The following UTS2B variants were observed in gnomAD, a reference collection of about 807,000 sequenced individuals.
UTS2B encodes urotensin-2B.
Under a neutral mutation model 19.2 loss-of-function variants are expected in UTS2B, and 21 were observed. That is an observed-to-expected ratio of 1.09 (90% confidence interval 0.78 to 1.58). The LOEUF is 1.58. Ranked by LOEUF, UTS2B falls within the 40% of genes most tolerant of loss-of-function variation. The pLI, the probability that UTS2B is intolerant of heterozygous loss-of-function variation, is 0.00. For synonymous variants in UTS2B, 57 were observed against 50.2 expected, an observed-to-expected ratio of 1.14 and a Z score of -0.58; for missense variants, 138 against 130.3, an observed-to-expected ratio of 1.06 and a Z score of -0.29.
At chr3:191,298,910 T>C (rs1419005619) in intron 4 of UTS2B, among the ~76,000 whole-genome samples, 1 of 152,232 alleles carries the variant, frequency 6.6e-6, no homozygotes, top group Non-Finnish European at 1.5e-5. Flanking sequence ...AAGGTCACTT[T>C]TGTTATTTGT....
intron 1 of UTS2B, among the ~76,000 whole-genome samples, chr3:191,329,944 G>T (rs113576372): frequency 0.18 from 5,348 of 29,000 alleles, 236 homozygotes; most frequent in East Asian, 0.51. Flanking sequence ...GGGGTGGTTG[G>T]GGGGGGGGGG....
chr3:191,311,601 G>T (rs1717303459), intron 3 of UTS2B, among the ~76,000 whole-genome samples: 1 of 152,142 alleles, frequency 6.6e-6, no homozygotes. Context: ...CCATTCCAGA[G>T]GCCCACTTTC....
At chr3:191,343,789 TA>T in the UTS2B span, among the ~76,000 whole-genome samples, 1 of 152,224 alleles carries the variant, frequency 6.6e-6, no homozygotes. Context: ...AAGTGCTTGG[TA>T]AAGTATTAGA....
rs976733608 is a variant in UTS2B at position 191,306,436 on chromosome 3, GTTTATA to G, written c.-181-1894_-181-1889del. 1.1e-4 allele frequency among the ~76,000 whole-genome samples: 16 copies of G among 152,082 alleles called. No individual in the cohort carries two copies. In the South Asian group the frequency reaches 3.1e-3, roughly 30 times the overall value. On this transcript the variant is annotated intron_variant, in intron 3 of 8. Transcript: ENST00000340524. ...CAAATAATCCATCATCTATTTTATA[GTTTATA>G]TTTATCATTTTAATCCCTCCTTCCC...
At chr3:191,298,467 C>T (rs1022526275) in intron 4 of UTS2B, among the ~76,000 whole-genome samples, 1 of 152,118 alleles carries the variant, frequency 6.6e-6, no homozygotes, top group Non-Finnish European at 1.5e-5. Flanking sequence ...CTGCTCTGGC[C>T]ATGTAAGATG....
intron 2 of UTS2B, among the ~76,000 whole-genome samples, chr3:191,323,564 G>A (rs182666243): frequency 1.3e-4 from 20 of 152,296 alleles, no homozygotes; most frequent in Non-Finnish European, 2.1e-4. Context: ...CTATCAGTGT[G>A]TTTTGGAATA....
Position 191,301,731 on chromosome 3 carries a change from C to T in UTS2B, c.-125+2761G>A, listed in dbSNP as rs530602343. 1.6e-4 allele frequency among the ~76,000 whole-genome samples: 25 copies of T among 152,070 alleles called. No individual in the cohort carries two copies. The East Asian group carries it at 2.1e-3, about 13-fold the overall frequency. On this transcript the variant is annotated intron_variant, in intron 4 of 8. Coordinates refer to ENST00000340524, the MANE Select transcript of UTS2B (RefSeq NM_198152.5). ...GTCTCGATCTCCTGACCTTGTGATC[C>T]GCCCGCCTCGGCCTCCCAAAGTGCT... is the stretch of plus-strand genomic sequence containing the variant.
At chr3:191,342,343 T>C in the UTS2B span, among the ~76,000 whole-genome samples, 1 of 152,194 alleles carries the variant, frequency 6.6e-6, no homozygotes. Context: ...TTTTGAATAT[T>C]GCTCTCAATC....
chr3:191,300,394 A>G (rs1169047259), intron 4 of UTS2B, among the ~76,000 whole-genome samples: 1 of 152,156 alleles, frequency 6.6e-6, no homozygotes, highest in Admixed American at 6.5e-5. Flanking sequence ...GAATGGGAGT[A>G]TTTACCCAAT....
intron 2 of UTS2B, among the ~76,000 whole-genome samples, chr3:191,322,792 A>G (rs1188578022): frequency 6.6e-6 from 1 of 152,246 alleles, no homozygotes; most frequent in Non-Finnish European, 1.5e-5. Context: ...GACATGCACA[A>G]CCAAAGCAAT....
At chr3:191,331,592 G>C (rs2108625785), upstream of UTS2B, among the ~76,000 whole-genome samples, 1 of 152,232 alleles carries the variant, frequency 6.6e-6, no homozygotes, top group East Asian at 1.9e-4. Context: ...AATTTTGAAG[G>C]TGGTCAGGAA....
chr3:191,330,296 A>AACACACACAC (rs3048670), intron 1 of UTS2B, 118 bp downstream of exon 1: 205 of 137,152 alleles, frequency 1.5e-3, no homozygotes, highest in Middle Eastern at 8.5e-3. Flanking sequence ...TTACAAACAA[A>AACACACACAC]ACACACACAC....
At chr3:191,297,996 G>A (rs1319886646) in intron 4 of UTS2B, among the ~76,000 whole-genome samples, 1 of 152,146 alleles carries the variant, frequency 6.6e-6, no homozygotes, top group Non-Finnish European at 1.5e-5. Flanking sequence ...TCTCTAACAT[G>A]TAAGATGTTT....
chr3:191,308,039 G>C (rs1717192738), intron 3 of UTS2B, among the ~76,000 whole-genome samples: 1 of 151,916 alleles, frequency 6.6e-6, no homozygotes, highest in African/African-American at 2.4e-5. Flanking sequence ...TTTCACTAAG[G>C]TGGCCAGGCT....
intron 4 of UTS2B, among the ~76,000 whole-genome samples, chr3:191,286,480 C>T (rs1473579470): frequency 6.6e-6 from 1 of 151,722 alleles, no homozygotes; most frequent in African/African-American, 2.4e-5. Context: ...AGAAAATTCA[C>T]AAATACATGG....
In UTS2B at chr3:191,267,202, G is replaced by A. The variant is rs1715958097; in HGVS notation, c.*1214C>T. The A allele has an allele frequency of 6.6e-6, 1 of 152,172 alleles. No homozygotes were observed. The highest frequency in any genetic ancestry group is 2.1e-4 in the South Asian group (1 of 4,826). 9.4% of individuals were successfully genotyped at this position (152,172 alleles called of 1,614,324 possible). On this transcript the variant is annotated 3_prime_UTR_variant, in exon 9 of 9. Transcript: ENST00000340524. ...AAATGTTTTAATTAATAGTTCAACA[G>A]CATAGTCACAACAGGACAAAACTTT...
At chr3:191,329,932 A>T (rs1249189503) in intron 1 of UTS2B, among the ~76,000 whole-genome samples, 1 of 12,176 alleles carries the variant, frequency 8.2e-5, no homozygotes, top group Non-Finnish European at 1.7e-4. Context: ...TTTTTTCTCA[A>T]GGGGGTGGTT....
At chr3:191,302,324 C>T (rs1341613409) in intron 4 of UTS2B, among the ~76,000 whole-genome samples, 1 of 152,176 alleles carries the variant, frequency 6.6e-6, no homozygotes, top group Non-Finnish European at 1.5e-5. Flanking sequence ...ATTTCCCACC[C>T]CTTTCCAAGG....
At chr3:191,338,687 G>C in the UTS2B span, among the ~76,000 whole-genome samples, 1 of 152,090 alleles carries the variant, frequency 6.6e-6, no homozygotes, top group South Asian at 2.1e-4. Context: ...TTTCCCCATT[G>C]AAGCTCCATA....
Sources: allele counts gnomAD v4.1 joint callset (sites outside exome capture counted in the v4.1 genomes callset), GRCh38; gene constraint gnomAD v4.1.1; transcripts MANE v1.5; gene names NCBI Gene and HGNC (gene_info 2026-07-23, HGNC 2026-07-21).